The following KIAA1217 variants were observed in gnomAD, a reference collection of about 807,000 sequenced individuals.
The protein encoded by KIAA1217 is KIAA1217.
In KIAA1217, 88 loss-of-function variants were observed where a neutral mutation model predicts 163.9. That is an observed-to-expected ratio of 0.54 (90% CI 0.45 to 0.64). KIAA1217 has a LOEUF of 0.64. Among genes scored for constraint, KIAA1217 ranks in the 30% least tolerant of loss-of-function variants. KIAA1217 has a pLI of 0.00. For missense variants in KIAA1217, 2,372 were observed against 2,475.0 expected, an observed-to-expected ratio of 0.96 and a Z score of 0.88; for synonymous variants, 903 against 923.1, an observed-to-expected ratio of 0.98 and a Z score of 0.39.
intron 2 of KIAA1217, among the ~76,000 whole-genome samples, chr10:24,065,479 CT>C (rs1345410888): frequency 6.6e-6 from 1 of 152,124 alleles, no homozygotes; most frequent in African/African-American, 2.4e-5. Flanking sequence ...CTCCTGAGTT[CT>C]AGTTTGATTG....
At chr10:23,966,339 G>C (rs377581258) in intron 1 of KIAA1217, among the ~76,000 whole-genome samples, 5 of 152,274 alleles carry the variant, frequency 3.3e-5, no homozygotes, top group African/African-American at 9.6e-5. Context: ...GGGCGTGGGG[G>C]TAATGGGACT....
chr10:24,229,236 G>A (rs1449492926), intron 2 of KIAA1217, among the ~76,000 whole-genome samples: 2 of 152,196 alleles, frequency 1.3e-5, no homozygotes, highest in East Asian at 1.9e-4. Flanking sequence ...TCAGTAAGTC[G>A]CAGCCTTTGG....
chr10:24,384,684 T>C (rs907601419), intron 3 of KIAA1217, among the ~76,000 whole-genome samples: 15 of 143,592 alleles, frequency 1.0e-4, no homozygotes, highest in African/African-American at 3.8e-4. Context: ...CGCAGGTGCC[T>C]GCCACCATGC....
intron 2 of KIAA1217, among the ~76,000 whole-genome samples, chr10:24,191,199 G>C (rs1218989091): frequency 6.6e-6 from 1 of 151,980 alleles, no homozygotes; most frequent in Non-Finnish European, 1.5e-5. Flanking sequence ...AAAAACAAAA[G>C]ATCAGTCACC....
At chr10:24,174,909 G>A (rs2065798498) in intron 2 of KIAA1217, among the ~76,000 whole-genome samples, 1 of 152,120 alleles carries the variant, frequency 6.6e-6, no homozygotes, top group Admixed American at 6.6e-5. Flanking sequence ...CCAGGCTGGA[G>A]TGCAGTGGCA....
intron 3 of KIAA1217, among the ~76,000 whole-genome samples, chr10:24,393,903 G>C (rs1172565684): frequency 1.3e-5 from 2 of 152,112 alleles, no homozygotes; most frequent in African/African-American, 4.8e-5. Flanking sequence ...ATGAGTACGG[G>C]GACTCCTGTC....
At chr10:24,166,598 C>T (rs1328943824) in intron 2 of KIAA1217, among the ~76,000 whole-genome samples, 4 of 151,958 alleles carry the variant, frequency 2.6e-5, no homozygotes, top group South Asian at 4.2e-4. Context: ...ATTAACTAGG[C>T]GTAATGGGGC....
intron 10 of KIAA1217, among the ~76,000 whole-genome samples, chr10:24,518,551 G>C (rs929269930): frequency 6.6e-6 from 1 of 152,130 alleles, no homozygotes; most frequent in East Asian, 1.9e-4. Context: ...CAGACATGTT[G>C]GTTGTTCACG....
At position 24,544,358 on chromosome 10, in the gene KIAA1217, CAG is replaced by C; in HGVS notation, c.5092_5093del (p.Asp1698PhefsTer22). 1 of 1,614,154 alleles carries C rather than the reference CAG, an allele frequency of 6.2e-7. No individual in the cohort carries two copies. The highest frequency in any genetic ancestry group is 8.5e-7 in the Non-Finnish European group (1 of 1,180,024). On this transcript the variant is annotated frameshift_variant, in exon 19 of 21. Coordinates refer to ENST00000376454, the MANE Select transcript of KIAA1217 (RefSeq NM_019590.5). LOFTEE classifies it high-confidence loss of function. ...TAGTTGATACCTCATGTTCTTCCAA[CAG>C]AGATTCTGTTGCAAGTTCATCCCAC... is the stretch of plus-strand genomic sequence containing the variant. ...ALVDTSCSSN[R>X]DSVASSSHIA... is the part of the protein sequence containing the mutation.
intron 1 of KIAA1217, among the ~76,000 whole-genome samples, chr10:23,916,495 C>T (rs924317019): frequency 5.3e-5 from 8 of 152,088 alleles, no homozygotes; most frequent in African/African-American, 1.9e-4. Flanking sequence ...GTGTGGATCT[C>T]ACTGAATTGC....
intron 3 of KIAA1217, among the ~76,000 whole-genome samples, chr10:24,414,206 A>G (rs1337991600): frequency 6.6e-6 from 1 of 152,230 alleles, no homozygotes; most frequent in African/African-American, 2.4e-5. Context: ...CTCCTTGCAT[A>G]AGTATGCCAC....
intron 2 of KIAA1217, among the ~76,000 whole-genome samples, chr10:24,362,001 A>AG (rs2050101417): frequency 1.6e-5 from 2 of 124,680 alleles, no homozygotes; most frequent in Admixed American, 1.5e-4. Context: ...AAAAAAAAAA[A>AG]AAAGAAAGAA....
At chr10:24,527,836 C>A (rs1403019208) in intron 13 of KIAA1217, 100 bp from the exon 14 acceptor site, 9 of 851,984 alleles carry the variant, frequency 1.1e-5, no homozygotes, top group Middle Eastern at 2.3e-4. Context: ...TTTTCCTGAT[C>A]CTCTCCTTCC....
In KIAA1217 at chr10:24,226,658, T is replaced by C. The variant is rs553173091; in HGVS notation, c.354+6749T>C. ...CTCCATCTCAAAAAAAAAATAATAA[T>C]AATAAATAAATAAAGGCAAATCTTA... On this transcript the variant is annotated intron_variant, in intron 2 of 20. Transcript: ENST00000376454. Among the ~76,000 whole-genome samples the C allele has an allele frequency of 2.6e-5, 4 of 151,514 alleles. No individual in the cohort carries two copies. The South Asian group carries it at 8.3e-4, about 32-fold the overall frequency.
In KIAA1217 at chr10:24,492,415, T is replaced by C. The variant is rs542422679; in HGVS notation, c.1680-2085T>C. 4.6e-5 allele frequency among the ~76,000 whole-genome samples: 7 copies of C among 152,334 alleles called. No homozygotes were observed. The East Asian group carries it at 1.3e-3, about 29-fold the overall frequency. ...GCATCGGCTGGTGTACCTGGAAACA[T>C]TTGCAAATCACTCCGTGGAGATATA... On this transcript the variant is annotated intron_variant, in intron 6 of 20. Coordinates refer to ENST00000376454, the MANE Select transcript of KIAA1217 (RefSeq NM_019590.5).
intron 2 of KIAA1217, among the ~76,000 whole-genome samples, chr10:24,019,556 C>T (rs1280341159): frequency 6.6e-6 from 1 of 151,808 alleles, no homozygotes; most frequent in Non-Finnish European, 1.5e-5. Context: ...GGGCAGACTT[C>T]TGTGAAAGAT....
At chr10:23,733,503 T>C (rs1377702357) in intron 1 of KIAA1217, among the ~76,000 whole-genome samples, 2 of 152,202 alleles carry the variant, frequency 1.3e-5, no homozygotes, top group Non-Finnish European at 2.9e-5. Context: ...ACTTTGCATA[T>C]CCTCCTGTTT....
At chr10:23,896,425 C>G (rs1423538212) in intron 1 of KIAA1217, among the ~76,000 whole-genome samples, 2 of 152,024 alleles carry the variant, frequency 1.3e-5, no homozygotes, top group African/African-American at 4.8e-5. Flanking sequence ...CTGTTCACCC[C>G]TATGAAGTCA....
At chr10:24,264,569 A>G (rs1418281256) in intron 2 of KIAA1217, among the ~76,000 whole-genome samples, 2 of 152,198 alleles carry the variant, frequency 1.3e-5, no homozygotes, top group Non-Finnish European at 2.9e-5. Flanking sequence ...TTGAACTGTG[A>G]GTGATAACGT....
Sources: allele counts gnomAD v4.1 joint callset (sites outside exome capture counted in the v4.1 genomes callset), GRCh38; gene constraint gnomAD v4.1.1; transcripts MANE v1.5; gene names NCBI Gene and HGNC (gene_info 2026-07-23, HGNC 2026-07-21).